Variants in PI4K2B observed in about 807,000 individuals in gnomAD.
PI4K2B encodes the protein phosphatidylinositol 4-kinase type 2-beta.
A neutral mutation model predicts 56.6 loss-of-function variants in PI4K2B; 46 were observed. The observed-to-expected ratio is 0.81, with a 90% CI of 0.64 to 1.04. PI4K2B has a LOEUF of 1.04. PI4K2B is among the 50% of genes least tolerant of loss of function. The pLI, the probability that PI4K2B is intolerant of heterozygous loss-of-function variation, is 0.00. For missense variants in PI4K2B, 556 were observed against 607.7 expected (o/e 0.91, Z 0.89); for synonymous variants, 211 against 223.8 (o/e 0.94, Z 0.51).
intron 1 of PI4K2B, among the ~76,000 whole-genome samples, chr4:25,244,731 C>T (rs1011193548): frequency 2.0e-5 from 3 of 152,142 alleles, no homozygotes; most frequent in African/African-American, 7.2e-5. Flanking sequence ...GCCCAAGAAC[C>T]CGCAACGGTC....
intron 1 of PI4K2B, among the ~76,000 whole-genome samples, chr4:25,238,964 AT>A (rs1336319486): frequency 6.6e-6 from 1 of 150,616 alleles, no homozygotes; most frequent in Non-Finnish European, 1.5e-5. Context: ...TGATTGGTCC[AT>A]TTTGACAGGG....
In PI4K2B at chr4:25,248,735, T is replaced by G. The variant is rs1715902807; in HGVS notation, c.269-3586T>G. ...TAACATGTACATTAAAATTTTGATT[T>G]AGATAGCATAGTAAGAATTCAGCCT... On this transcript the variant is annotated intron_variant, in intron 1 of 9. Transcript: ENST00000264864. Among the ~76,000 whole-genome samples, 5 of 152,170 alleles carry G rather than the reference T, an allele frequency of 3.3e-5. No individual in the cohort carries two copies. The South Asian group carries it at 1.0e-3, about 32-fold the overall frequency.
intron 7 of PI4K2B, among the ~76,000 whole-genome samples, chr4:25,265,169 T>TG (rs1467912581): frequency 9.9e-6 from 1 of 101,146 alleles, no homozygotes; most frequent in Non-Finnish European, 1.8e-5. Context: ...CACTCCAGCC[T>TG]GGGCAACAAG....
At chr4:25,237,711 G>A (rs1231378591) in intron 1 of PI4K2B, among the ~76,000 whole-genome samples, 1 of 152,102 alleles carries the variant, frequency 6.6e-6, no homozygotes, top group Non-Finnish European at 1.5e-5. Flanking sequence ...GGTGGCTTAC[G>A]CCTGTAATCC....
chr4:25,238,545 T>C (rs1374375169), intron 1 of PI4K2B, among the ~76,000 whole-genome samples: 1 of 152,118 alleles, frequency 6.6e-6, no homozygotes, highest in African/African-American at 2.4e-5. Context: ...TTGTTCCTTC[T>C]GATGTTCGGA....
chr4:25,254,785 G>A (rs1716193005), intron 2 of PI4K2B, among the ~76,000 whole-genome samples: 1 of 152,168 alleles, frequency 6.6e-6, no homozygotes, highest in Non-Finnish European at 1.5e-5. Context: ...TGGTTAAGTG[G>A]CATGGGGTCT....
chr4:25,260,126 T>A (rs1716404956), intron 5 of PI4K2B, among the ~76,000 whole-genome samples: 1 of 152,218 alleles, frequency 6.6e-6, no homozygotes, highest in Admixed American at 6.5e-5. Context: ...TAGTCTAGAC[T>A]ACTTCTATGC....
chr4:25,267,330 G>A (rs191404803), intron 7 of PI4K2B, among the ~76,000 whole-genome samples: 41 of 152,386 alleles, frequency 2.7e-4, no homozygotes, highest in Admixed American at 2.7e-3. Context: ...ACAAGGAGAT[G>A]TGAGCCAGGG....
chr4:25,245,465 C>T (rs764947411), intron 1 of PI4K2B, among the ~76,000 whole-genome samples: 3 of 152,088 alleles, frequency 2.0e-5, no homozygotes, highest in Non-Finnish European at 2.9e-5. Context: ...TTGGTACCTG[C>T]GGAGCTGCAT....
intron 1 of PI4K2B, among the ~76,000 whole-genome samples, chr4:25,244,509 C>A (rs1715676992): frequency 6.6e-6 from 1 of 152,128 alleles, no homozygotes; most frequent in Non-Finnish European, 1.5e-5. Flanking sequence ...TTTATACTTC[C>A]CTCAGGTGGC....
At chr4:25,262,237 A>T (rs776217440) in intron 6 of PI4K2B, among the ~76,000 whole-genome samples, 14 of 152,198 alleles carry the variant, frequency 9.2e-5, no homozygotes, top group Non-Finnish European at 1.9e-4. Context: ...GCTATTCGGG[A>T]GGCTGAGGTG....
chr4:25,271,165 T>C (rs1187873382), intron 9 of PI4K2B, among the ~76,000 whole-genome samples: 1 of 152,190 alleles, frequency 6.6e-6, no homozygotes, highest in Non-Finnish European at 1.5e-5. Context: ...GAGTTTTAAG[T>C]AGTTAAGTGA....
chr4:25,250,136 G>A (rs1001582237), intron 1 of PI4K2B, among the ~76,000 whole-genome samples: 1 of 152,148 alleles, frequency 6.6e-6, no homozygotes, highest in African/African-American at 2.4e-5. Context: ...GGAGAATCAG[G>A]CAGGGAGGTT....
At chr4:25,262,818 A>G (rs1313236572) in intron 6 of PI4K2B, among the ~76,000 whole-genome samples, 1 of 152,232 alleles carries the variant, frequency 6.6e-6, no homozygotes, top group Non-Finnish European at 1.5e-5. Context: ...ACTCTTTAAC[A>G]TGAAAACCCT....
chr4:25,272,144 T>TA lies in PI4K2B; in HGVS notation c.1272+2953dup, dbSNP rs35829522. 7.2e-3 allele frequency among the ~76,000 whole-genome samples: 1,017 copies of TA among 141,592 alleles called. 13 individuals are homozygous for TA. The highest frequency in any genetic ancestry group is 0.023 in the African/African-American group (907 of 38,696). 92.9% of individuals were successfully genotyped at this position (141,592 alleles called of 152,430 possible). ...TGGGCAGCAGAGCAAGACCTTGTCTTAAAAAAAAAAAAGCCTGTCTAAGAA... is the reference window on the plus strand; with the variant it reads ...TGGGCAGCAGAGCAAGACCTTGTCTTAAAAAAAAAAAAAGCCTGTCTAAGAA... On this transcript the variant is annotated intron_variant, in intron 9 of 9. Transcript: ENST00000264864.
At chr4:25,253,960 C>T (rs1259871966) in intron 2 of PI4K2B, among the ~76,000 whole-genome samples, 1 of 152,098 alleles carries the variant, frequency 6.6e-6, no homozygotes, top group East Asian at 1.9e-4. Flanking sequence ...TGAGTAGAGA[C>T]GGGATTTCCC....
intron 1 of PI4K2B, among the ~76,000 whole-genome samples, chr4:25,243,926 C>T (rs906712679): frequency 5.9e-5 from 9 of 152,176 alleles, no homozygotes; most frequent in Non-Finnish European, 1.3e-4. Flanking sequence ...TCCCTTTCTT[C>T]GGCTGTCATT....
chr4:25,265,321 CCTT>C lies in PI4K2B; in HGVS notation c.1078+1475_1078+1477del, dbSNP rs763802506. ...GATTTGTCTATTGTTAAGCATCGGT[CCTT>C]CTATTTATTTAATTATTTATGCTCT... On this transcript the variant is annotated intron_variant, in intron 7 of 9. Transcript: ENST00000264864. Among the ~76,000 whole-genome samples, 32 of 151,366 alleles carry C rather than the reference CCTT, an allele frequency of 2.1e-4. 1 individual carries two copies. In the Middle Eastern group the frequency reaches 0.01, roughly 48 times the overall value.
chr4:25,261,292 A>G (rs1191149627), intron 6 of PI4K2B, among the ~76,000 whole-genome samples: 3 of 152,156 alleles, frequency 2.0e-5, no homozygotes, highest in Non-Finnish European at 2.9e-5. Context: ...CTGAACTTAA[A>G]AAAAGTATTA....
Sources: allele counts gnomAD v4.1 joint callset (sites outside exome capture counted in the v4.1 genomes callset), GRCh38; gene constraint gnomAD v4.1.1; transcripts MANE v1.5; gene names NCBI Gene and HGNC (gene_info 2026-07-23, HGNC 2026-07-21).